Variants in VWA5B1 observed in about 807,000 individuals in gnomAD.
VWA5B1 encodes von Willebrand factor A domain containing 5B1.
Under a neutral mutation model 118.2 loss-of-function variants are expected in VWA5B1, and 115 were observed. The observed-to-expected ratio is 0.97, with a 90% CI of 0.84 to 1.14. VWA5B1 has a LOEUF of 1.14. Ranked by LOEUF, VWA5B1 falls within the 50% of genes most tolerant of loss-of-function variation. VWA5B1 has a pLI of 0.00. For synonymous variants in VWA5B1, 682 were observed against 658.4 expected (o/e 1.04, Z -0.55); for missense variants, 1,596 against 1,603.8 (o/e 1.00, Z 0.08).
intron 1 of VWA5B1, among the ~76,000 whole-genome samples, chr1:20,299,481 G>A (rs999831721): frequency 1.5e-4 from 23 of 152,186 alleles, no homozygotes; most frequent in African/African-American, 5.3e-4. Flanking sequence ...TTAGCTCACC[G>A]CAAGCTCCAC....
In VWA5B1 at chr1:20,319,406, T is replaced by C. The variant is rs1255900409; in HGVS notation, c.866T>C (p.Ile289Thr). ...PSEPHMPHVL[I>T]EKGDMTLGEF... ...GAGCCCCATATGCCCCATGTCCTGA[T>C]AGAGAAAGGGGACATGACCCTGGGA... Residue 289 changes from isoleucine to threonine, a missense_variant, in exon 7 of 22, where the codon ATA (isoleucine) becomes ACA (threonine). Coordinates refer to ENST00000289815, the MANE Select transcript of VWA5B1 (RefSeq NM_001039500.3). 1.0e-5 allele frequency: 16 copies of C among 1,551,554 alleles called. 1 individual carries two copies. The South Asian group carries it at 1.5e-4, about 15-fold the overall frequency.
Position 20,330,957 on chromosome 1 carries a change from A to C in VWA5B1, c.1546A>C (p.Met516Leu), listed in dbSNP as rs1390446435. The C allele has an allele frequency of 6.4e-7, 1 of 1,550,704 alleles. No homozygotes were observed. The highest frequency in any genetic ancestry group is 2.4e-5 in the East Asian group (1 of 40,914). ...GTCCGAGGGCAGTGCTGAGCTCCTG[A>C]TGGAGGGGGAGCGGCTGCAACCCAA... is the stretch of plus-strand genomic sequence containing the variant. ...SVSEGSAELLMEGERLQPKMV... is the reference protein window; with the variant it reads ...SVSEGSAELLLEGERLQPKMV... The change falls in exon 11 of 22, where the codon ATG becomes CTG. Residue 516 changes from methionine (M) to leucine (L), a missense_variant. Coordinates refer to ENST00000289815, the MANE Select transcript of VWA5B1 (RefSeq NM_001039500.3).
At chr1:20,306,208 C>T (rs1384165274) in intron 1 of VWA5B1, among the ~76,000 whole-genome samples, 2 of 152,024 alleles carry the variant, frequency 1.3e-5, no homozygotes, top group African/African-American at 4.8e-5. Context: ...CAGGGCCCTT[C>T]CTGAGAAGGT....
intron 12 of VWA5B1, among the ~76,000 whole-genome samples, chr1:20,335,698 A>T (rs1462709676): frequency 6.6e-6 from 1 of 152,256 alleles, no homozygotes; most frequent in Non-Finnish European, 1.5e-5. Flanking sequence ...TGAGAAAATC[A>T]TAAAGAAGAG....
intron 9 of VWA5B1, 89 bp downstream of exon 9, chr1:20,328,089 C>T (rs2089441716): frequency 2.3e-6 from 3 of 1,282,178 alleles, no homozygotes; most frequent in Admixed American, 2.0e-5. Flanking sequence ...AGTTAAAACC[C>T]TAGTGCTGGC....
At chr1:20,294,233 T>C (rs777004885) in intron 1 of VWA5B1, 5 of 152,184 alleles carry the variant, frequency 3.3e-5, no homozygotes, top group East Asian at 1.9e-4. Flanking sequence ...CACATCTTTA[T>C]TGAGTCAACT....
intron 1 of VWA5B1, among the ~76,000 whole-genome samples, chr1:20,294,599 C>A (rs1177251191): frequency 2.0e-5 from 3 of 152,238 alleles, no homozygotes; most frequent in Non-Finnish European, 4.4e-5. Flanking sequence ...CCTGCCTCAG[C>A]CTCCCAAGTA....
At position 20,336,475 on chromosome 1, in the gene VWA5B1, C is replaced by T. The variant is rs889230557; in HGVS notation, c.1931C>T (p.Thr644Ile). ...GCCCGGCTAGCCAGCGGAGACTCTA[C>T]CACCAAGCACGGTTCGTCTGCGGCT... ...KNARLASGDS[T>I]TKHDLNLSQR... The change falls in exon 13 of 22, where the codon ACC (threonine) becomes ATC (isoleucine). Residue 644 changes from threonine to isoleucine, a missense_variant. Physicochemically the swap from Thr to Ile is moderately conservative, Grantham distance 89 (BLOSUM62 -1). Coordinates refer to ENST00000289815, the MANE Select transcript of VWA5B1 (RefSeq NM_001039500.3). The T allele has an allele frequency of 1.4e-5, 20 of 1,418,364 alleles. No homozygotes were observed. The African/African-American group carries it at 1.9e-4, about 13-fold the overall frequency. 87.9% of individuals were successfully genotyped at this position (1,418,364 alleles called of 1,614,324 possible). A position where few individuals can be genotyped will look rare whatever the true frequency, so the allele number is the denominator to read the frequency against.
In VWA5B1 at chr1:20,355,917, A is replaced by AC; in HGVS notation, c.*1657dup. 6.6e-6 allele frequency among the ~76,000 whole-genome samples: 1 copy of AC among 151,000 alleles called. No homozygotes were observed. The highest frequency in any genetic ancestry group is 2.0e-4 in the East Asian group (1 of 5,072). On this transcript the variant is annotated 3_prime_UTR_variant, in exon 22 of 22. Transcript: ENST00000289815. ...TGTGGACTGGCTCTGCTTCAGACTT[A>AC]CCCTCTGGGGAGGAACCCAGGCAGG... is the stretch of plus-strand genomic sequence containing the variant.
chr1:20,321,099 A>C (rs2089196926), intron 7 of VWA5B1, among the ~76,000 whole-genome samples: 1 of 139,872 alleles, frequency 7.1e-6, no homozygotes. Flanking sequence ...CAGAGATGCC[A>C]AGAGTAACAG....
At chr1:20,315,337 C>T (rs539717633) in intron 4 of VWA5B1, among the ~76,000 whole-genome samples, 1 of 152,338 alleles carries the variant, frequency 6.6e-6, no homozygotes, top group South Asian at 2.1e-4. Flanking sequence ...GACTGCGTTT[C>T]TCCCAAAAGC....
Position 20,358,806 on chromosome 1 carries a change from T to G in VWA5B1, c.*4543T>G, listed in dbSNP as rs1278228194. On this transcript the variant is annotated 3_prime_UTR_variant, in exon 22 of 22. Coordinates refer to ENST00000289815, the MANE Select transcript of VWA5B1 (RefSeq NM_001039500.3). ...ATGGACACATTCTTCAGCTGTAACA[T>G]AGCATGCTCTGCAAAGCCAGTGTAA... Among the ~76,000 whole-genome samples, 2 of 152,332 alleles carry G rather than the reference T, an allele frequency of 1.3e-5. No homozygotes were observed. Among genetic ancestry groups the G allele is most frequent in the South Asian group, 2.1e-4 (1 of 4,830 alleles).
intron 7 of VWA5B1, 143 bp from the exon 8 acceptor site, chr1:20,323,213 A>T: frequency 1.4e-6 from 1 of 707,584 alleles, no homozygotes; most frequent in Non-Finnish European, 2.0e-6. Flanking sequence ...CAAACAGAAG[A>T]GCTGAGCACA....
intron 7 of VWA5B1, among the ~76,000 whole-genome samples, chr1:20,321,667 T>C (rs1165189515): frequency 4.0e-5 from 6 of 151,182 alleles, no homozygotes; most frequent in Non-Finnish European, 8.9e-5. Flanking sequence ...AGGTGCTGGG[T>C]GTTCTTTAGC....
chr1:20,326,139 T>C (rs936698244), intron 8 of VWA5B1, among the ~76,000 whole-genome samples: 2 of 152,192 alleles, frequency 1.3e-5, no homozygotes, highest in Non-Finnish European at 2.9e-5. Context: ...TTGACTTCTT[T>C]TGTAGAGAAA....
At chr1:20,305,890 G>A (rs750943333) in intron 1 of VWA5B1, among the ~76,000 whole-genome samples, 6 of 151,982 alleles carry the variant, frequency 3.9e-5, no homozygotes, top group African/African-American at 7.3e-5. Context: ...CTCCCTCAGC[G>A]GAACCCATGC....
chr1:20,319,582 T>A (rs2089142210), intron 7 of VWA5B1, 76 bp downstream of exon 7: 2 of 1,529,600 alleles, frequency 1.3e-6, no homozygotes, highest in Admixed American at 2.0e-5. Flanking sequence ...ACTGAACAAG[T>A]GAGGTGGGGA....
intron 21 of VWA5B1, among the ~76,000 whole-genome samples, chr1:20,352,556 A>C (rs188962314): frequency 3.4e-3 from 521 of 152,330 alleles, no homozygotes; most frequent in Non-Finnish European, 5.1e-3. Context: ...GAGTAAAATT[A>C]ACATCCCAGG....
At chr1:20,319,554 C>T (rs756637407) in intron 7 of VWA5B1, 48 bp downstream of exon 7, 171 of 1,546,862 alleles carry the variant, frequency 1.1e-4, no homozygotes, top group Non-Finnish European at 1.4e-4. Flanking sequence ...GTTGGGGTGG[C>T]GCTGAGGCCT....
Sources: allele counts gnomAD v4.1 joint callset (sites outside exome capture counted in the v4.1 genomes callset), GRCh38; gene constraint gnomAD v4.1.1; transcripts MANE v1.5; gene names NCBI Gene and HGNC (gene_info 2026-07-23, HGNC 2026-07-21).